Variants in GNG2 observed in about 807,000 individuals in gnomAD.
GNG2 encodes G protein subunit gamma 2.
GNG2 carries 5 observed loss-of-function variants against 5.5 expected under a neutral mutation model. The observed-to-expected ratio is 0.91, with a 90% CI of 0.48 to 1.92. The LOEUF is 1.92. Ranked by LOEUF, GNG2 falls within the 30% of genes most tolerant of loss-of-function variation. The probability of loss-of-function intolerance (pLI) is 0.01; values close to 1 mark genes in which losing one functional copy is unlikely to be tolerated. For synonymous variants in GNG2, 28 were observed against 32.0 expected (o/e 0.88, Z 0.42); for missense variants, 55 against 88.4 (o/e 0.62, Z 1.52).
At chr14:51,962,470 T>G (rs182543062) in intron 3 of GNG2, among the ~76,000 whole-genome samples, 1 of 152,178 alleles carries the variant, frequency 6.6e-6, no homozygotes, top group Non-Finnish European at 1.5e-5. Context: ...CCATTTGAGG[T>G]TAGTGAAAAA....
chr14:51,836,444 G>T (rs542884212), intron 2 of GNG2, among the ~76,000 whole-genome samples: 2 of 152,194 alleles, frequency 1.3e-5, no homozygotes, highest in Admixed American at 6.5e-5. Flanking sequence ...TGCAACATAA[G>T]AATATATATT....
intron 2 of GNG2, among the ~76,000 whole-genome samples, chr14:51,883,800 A>G (rs1374799318): frequency 6.6e-6 from 1 of 152,190 alleles, no homozygotes; most frequent in Non-Finnish European, 1.5e-5. Context: ...TCAGTTATAT[A>G]CTATAACTGC....
At chr14:51,942,909 G>C (rs1888427929) in intron 2 of GNG2, among the ~76,000 whole-genome samples, 1 of 151,996 alleles carries the variant, frequency 6.6e-6, no homozygotes, top group Non-Finnish European at 1.5e-5. Flanking sequence ...ACAGCTTGTT[G>C]TACCAAAGAA....
chr14:51,934,131 C>G (rs374186604), intron 2 of GNG2, among the ~76,000 whole-genome samples: 3 of 152,110 alleles, frequency 2.0e-5, no homozygotes, highest in African/African-American at 4.8e-5. Context: ...GGGAGTGGTT[C>G]CATGATAGGC....
rs1448879816 is a variant in GNG2, at chr14:51,838,992, AAGTCAAAT to A, written c.64+11187_64+11194del. Among the ~76,000 whole-genome samples the A allele has an allele frequency of 7.2e-5, 11 of 152,240 alleles. No homozygotes were observed. In the East Asian group the frequency reaches 2.1e-3, roughly 29 times the overall value. ...GGATGAATCTCCATTACAGTGTGCT[AAGTCAAAT>A]AACTCAAGCCCATAAGACTACCTAT... On this transcript the variant is annotated intron_variant, in intron 2 of 3. Coordinates refer to the GNG2 transcript ENST00000553432.
chr14:51,864,702 T>A (rs1355307623), intron 1 of GNG2, among the ~76,000 whole-genome samples: 1 of 152,128 alleles, frequency 6.6e-6, no homozygotes, highest in Non-Finnish European at 1.5e-5. Flanking sequence ...TGGAGAGCTG[T>A]TTCTTCAGTG....
At chr14:51,943,324 T>G (rs1888456254) in intron 2 of GNG2, among the ~76,000 whole-genome samples, 2 of 152,228 alleles carry the variant, frequency 1.3e-5, no homozygotes, top group Non-Finnish European at 2.9e-5. Flanking sequence ...TTTCTCAGCA[T>G]ATTTGTTTTA....
intron 1 of GNG2, among the ~76,000 whole-genome samples, chr14:51,873,468 G>T (rs1883440126): frequency 6.6e-6 from 1 of 152,216 alleles, no homozygotes; most frequent in South Asian, 2.1e-4. Flanking sequence ...GAGTGAAGGG[G>T]TTTCTCAAGA....
At chr14:51,908,466 G>A (rs774540526) in intron 2 of GNG2, among the ~76,000 whole-genome samples, 1 of 152,058 alleles carries the variant, frequency 6.6e-6, no homozygotes, top group Non-Finnish European at 1.5e-5. Flanking sequence ...TTTAAGTCTG[G>A]TGCTATGTCT....
intron 2 of GNG2, among the ~76,000 whole-genome samples, chr14:51,879,132 G>A (rs565852785): frequency 6.6e-6 from 1 of 152,190 alleles, no homozygotes; most frequent in Admixed American, 6.5e-5. Flanking sequence ...ATTTAAAGAG[G>A]TTATTTGGCA....
intron 2 of GNG2, among the ~76,000 whole-genome samples, chr14:51,836,793 A>T (rs1209081626): frequency 1.3e-5 from 2 of 151,582 alleles, no homozygotes; most frequent in Non-Finnish European, 2.9e-5. Flanking sequence ...CTAACCTATC[A>T]CTAAAAGTTT....
At chr14:51,937,546 G>T (rs1031500143) in intron 2 of GNG2, among the ~76,000 whole-genome samples, 1 of 151,978 alleles carries the variant, frequency 6.6e-6, no homozygotes, top group Non-Finnish European at 1.5e-5. Context: ...GGTTGTAGAA[G>T]ATTTCTGTTT....
intron 2 of GNG2, among the ~76,000 whole-genome samples, chr14:51,903,111 A>G (rs927344979): frequency 2.6e-5 from 4 of 152,230 alleles, no homozygotes; most frequent in African/African-American, 9.6e-5. Context: ...TGTTTACAGT[A>G]GAGCTATTTA....
At chr14:51,948,747 G>C (rs1888788031) in intron 2 of GNG2, among the ~76,000 whole-genome samples, 1 of 152,124 alleles carries the variant, frequency 6.6e-6, no homozygotes, top group African/African-American at 2.4e-5. Context: ...ATGTGTAAAA[G>C]TAGAGTTCAG....
chr14:51,931,066 C>A (rs1386529835), intron 2 of GNG2, among the ~76,000 whole-genome samples: 2 of 151,998 alleles, frequency 1.3e-5, no homozygotes, highest in Non-Finnish European at 2.9e-5. Context: ...CCAGTGCACT[C>A]CAACCTGGGT....
At chr14:51,907,845 T>C in intron 2 of GNG2, among the ~76,000 whole-genome samples, 1 of 152,184 alleles carries the variant, frequency 6.6e-6, no homozygotes, top group East Asian at 1.9e-4. Context: ...TTGCTGGTCT[T>C]TACCGATTTA....
intron 2 of GNG2, among the ~76,000 whole-genome samples, chr14:51,933,580 C>G (rs1887784992): frequency 6.6e-6 from 1 of 151,850 alleles, no homozygotes; most frequent in Non-Finnish European, 1.5e-5. Flanking sequence ...AAGGTGGAGA[C>G]AAAATTAATG....
chr14:51,837,808 A>G (rs1469633216), intron 2 of GNG2, among the ~76,000 whole-genome samples: 2 of 152,348 alleles, frequency 1.3e-5, no homozygotes, highest in East Asian at 3.9e-4. Context: ...TTCATAATTT[A>G]GATACAAAAT....
intron 2 of GNG2, among the ~76,000 whole-genome samples, chr14:51,841,783 T>C (rs1019177692): frequency 1.3e-5 from 2 of 152,198 alleles, no homozygotes; most frequent in Admixed American, 6.5e-5. Flanking sequence ...ATGCTTTTCT[T>C]TGGGGCCATA....
Sources: gnomAD v4.1 joint callset for allele counts (sites outside exome capture counted in the v4.1 genomes callset) on GRCh38, gnomAD v4.1.1 for gene constraint, MANE v1.5 for transcripts, NCBI Gene and HGNC (gene_info 2026-07-23, HGNC 2026-07-21) for gene names.